ZZEF1: variants seen among roughly 807,000 people sequenced by gnomAD.
ZZEF1 encodes zinc finger ZZ-type and EF-hand domain containing 1, also known as zinc finger ZZ-type and EF-hand domain-containing protein 1.
In ZZEF1, 157 loss-of-function variants were observed where a neutral mutation model predicts 342.8. The observed-to-expected ratio is 0.46, with a 90% confidence interval of 0.40 to 0.52. The LOEUF is 0.52. Ranked by LOEUF, ZZEF1 falls within the 20% of genes least tolerant of loss-of-function variation. ZZEF1 has a pLI of 0.00. For synonymous variants in ZZEF1, 1,505 were observed against 1,429.1 expected (o/e 1.05, Z -1.20); for missense variants, 3,480 against 3,725.6 (o/e 0.93, Z 1.72).
rs750379607 is a variant in ZZEF1 at position 4,014,160 on chromosome 17, G to A, written c.8343C>T (p.Ser2781=). ...AGCCCCACTCGGTGTTGCTCATGTCGGAGGTGAAGCGGTAATACAGAGTGT... is the reference window on the plus strand; with the variant it reads ...AGCCCCACTCGGTGTTGCTCATGTCAGAGGTGAAGCGGTAATACAGAGTGT... The part of the protein sequence containing the change: ...PGDTLYYRFT[S]DMSNTEWGYR... Residue 2781 remains serine, a synonymous_variant, in exon 51 of 55, where the codon TCC becomes TCT. Coordinates refer to ENST00000381638, the MANE Select transcript of ZZEF1 (RefSeq NM_015113.4). This position sits in a 1 kb window ranked among gnomAD's most constrained non-coding sequence, Gnocchi z 4.4. 1.5e-5 allele frequency: 25 copies of A among 1,614,164 alleles called. No individual in the cohort carries two copies. The highest frequency in any genetic ancestry group is 3.3e-4 in the Middle Eastern group (2 of 6,062).
chr17:4,024,185 G>GTTTTTTTTTTTTT (rs1491483468), intron 43 of ZZEF1, among the ~76,000 whole-genome samples: 1 of 83,974 alleles, frequency 1.2e-5, no homozygotes, highest in African/African-American at 7.1e-5. Context: ...ATATTGCCCA[G>GTTTTTTTTTTTTT]GTTTTTTTTT....
At chr17:4,117,337 T>C (rs1185554155) in intron 2 of ZZEF1, among the ~76,000 whole-genome samples, 171 bp from the exon 3 acceptor site, 1 of 152,210 alleles carries the variant, frequency 6.6e-6, no homozygotes, top group Non-Finnish European at 1.5e-5. Flanking sequence ...AATGAACCAG[T>C]AGCATTCTGA....
intron 2 of ZZEF1, among the ~76,000 whole-genome samples, chr17:4,120,395 G>A (rs1438255573): frequency 6.6e-6 from 1 of 151,902 alleles, no homozygotes; most frequent in Non-Finnish European, 1.5e-5. Flanking sequence ...ACCCCTTCTG[G>A]TATCAAAATC....
chr17:4,013,303 G>C, intron 52 of ZZEF1, 146 bp downstream of exon 52: 1 of 769,694 alleles, frequency 1.3e-6, no homozygotes, highest in Non-Finnish European at 1.9e-6. Context: ...AAGAACGCTA[G>C]CATAAAGCAA....
At chr17:4,068,119 T>C (rs1297759800) in intron 26 of ZZEF1, among the ~76,000 whole-genome samples, 3 of 152,176 alleles carry the variant, frequency 2.0e-5, no homozygotes, top group African/African-American at 4.8e-5. Flanking sequence ...GATACACATA[T>C]ATATATACAA....
chr17:4,128,338 A>T (rs901165189), intron 1 of ZZEF1, among the ~76,000 whole-genome samples: 1 of 110,810 alleles, frequency 9.0e-6, no homozygotes, highest in African/African-American at 3.7e-5. Flanking sequence ...ACAGAGCCAG[A>T]CTGTCTTAAA....
Position 4,016,269 on chromosome 17 carries a change from A to T in ZZEF1, c.8145+54T>A. 1.3e-6 allele frequency: 2 copies of T among 1,569,920 alleles called. No individual in the cohort carries two copies. Among genetic ancestry groups the T allele is most frequent in the Non-Finnish European group, 1.7e-6 (2 of 1,162,940 alleles). On this transcript the variant is annotated intron_variant, in intron 49 of 54. Transcript: ENST00000381638. This position sits in a 1 kb window ranked among gnomAD's most constrained non-coding sequence, Gnocchi z 4.4. ...GGAGGGGCTGAGCACGGAGGGGCTG[A>T]CGAGGTCTCTGCGGCTCAGTCGCTC... is the stretch of plus-strand genomic sequence containing the variant.
rs536674360 is a variant in ZZEF1 at position 4,038,516 on chromosome 17, A to C, written c.6306+3913T>G. ...AACATAATGTTGAGCAGAAGAAGCCAGACACAGGCCGGGCGCAGCGGCTCA... is the reference window on the plus strand; with the variant it reads ...AACATAATGTTGAGCAGAAGAAGCCCGACACAGGCCGGGCGCAGCGGCTCA... On this transcript the variant is annotated intron_variant, in intron 39 of 54. Coordinates refer to ENST00000381638, the MANE Select transcript of ZZEF1 (RefSeq NM_015113.4). 8.5e-5 allele frequency among the ~76,000 whole-genome samples: 13 copies of C among 152,378 alleles called. No individual in the cohort carries two copies. The South Asian group carries it at 2.7e-3, about 32-fold the overall frequency.
Position 4,042,349 on chromosome 17 carries a change from A to C in ZZEF1, c.6306+80T>G, listed in dbSNP as rs1597801684. 12 of 1,436,890 alleles carry C rather than the reference A, an allele frequency of 8.4e-6. No individual in the cohort carries two copies. In the East Asian group the frequency reaches 2.7e-4, roughly 33 times the overall value. 89.0% of individuals were successfully genotyped at this position (1,436,890 alleles called of 1,614,324 possible). On this transcript the variant is annotated intron_variant, in intron 39 of 54. Coordinates refer to ENST00000381638, the MANE Select transcript of ZZEF1 (RefSeq NM_015113.4). ...TAAGGCTACAGAGATGATTGTCATC[A>C]TTTGTTTCAGTATGTGGCTTTCCAA...
intron 1 of ZZEF1, 52 bp downstream of exon 1, chr17:4,142,490 C>A: frequency 6.4e-7 from 1 of 1,568,484 alleles, no homozygotes; most frequent in South Asian, 1.1e-5. Flanking sequence ...TCCTTCAGTC[C>A]CCTGGGGGCG....
intron 26 of ZZEF1, among the ~76,000 whole-genome samples, chr17:4,069,417 T>A (rs1387699351): frequency 2.6e-5 from 4 of 152,192 alleles, no homozygotes; most frequent in African/African-American, 9.7e-5. Context: ...GAGCAGCTTT[T>A]TAAAGGAGAT....
Position 4,021,177 on chromosome 17 carries a change from C to T in ZZEF1, c.7356G>A (p.Lys2452=). The change falls in exon 45 of 55, where the codon AAG becomes AAA. Residue 2452 remains lysine (K), a synonymous_variant. Transcript: ENST00000381638. ...VSSPGDPEQK[K]LDPLEGLDEP... ...CATCCAGGCCCTCAAGGGGGTCCAGCTTTTTCTGCTCTGGGTCGCCAGGGC... is the reference window on the plus strand; with the variant it reads ...CATCCAGGCCCTCAAGGGGGTCCAGTTTTTTCTGCTCTGGGTCGCCAGGGC... The T allele has an allele frequency of 1.2e-6, 2 of 1,614,134 alleles. No homozygotes were observed. Among genetic ancestry groups the T allele is most frequent in the South Asian group, 1.1e-5 (1 of 91,060 alleles).
intron 38 of ZZEF1, among the ~76,000 whole-genome samples, chr17:4,043,436 G>A (rs542316573): frequency 5.3e-5 from 8 of 152,166 alleles, no homozygotes; most frequent in Non-Finnish European, 1.2e-4. Context: ...AGATAGAGAG[G>A]GCAGAAGGCC....
At chr17:4,036,394 C>A (rs1393604204) in intron 39 of ZZEF1, among the ~76,000 whole-genome samples, 1 of 152,164 alleles carries the variant, frequency 6.6e-6, no homozygotes, top group Non-Finnish European at 1.5e-5. Context: ...TCAAAAATGT[C>A]TCAAGGCACT....
chr17:4,142,391 A>T, intron 1 of ZZEF1, 151 bp downstream of exon 1: 1 of 827,280 alleles, frequency 1.2e-6, no homozygotes, highest in Non-Finnish European at 1.8e-6. Flanking sequence ...AACATAGGTT[A>T]AAGAGAAACG....
At chr17:4,122,290 A>T (rs936326753) in intron 2 of ZZEF1, among the ~76,000 whole-genome samples, 2 of 152,234 alleles carry the variant, frequency 1.3e-5, no homozygotes, top group African/African-American at 2.4e-5. Context: ...CTCACTAGAA[A>T]AAACAAATGT....
intron 53 of ZZEF1, 47 bp from the exon 54 acceptor site, chr17:4,009,001 G>A (rs777366770): frequency 6.5e-7 from 1 of 1,532,742 alleles, no homozygotes; most frequent in Non-Finnish European, 8.7e-7. Context: ...CAGATGCGCA[G>A]TGCAGCTCTC....
At chr17:4,009,818 T>C in intron 52 of ZZEF1, 61 bp from the exon 53 acceptor site, 1 of 1,569,810 alleles carries the variant, frequency 6.4e-7, no homozygotes, top group Non-Finnish European at 8.7e-7. Flanking sequence ...TCACATGGCT[T>C]ACAGCTGGCA....
In ZZEF1 at chr17:4,032,266, G is replaced by A. The variant is rs568895057; in HGVS notation, c.6760-8C>T. 16 of 1,606,328 alleles carry A rather than the reference G, an allele frequency of 1.0e-5. No homozygotes were observed. The highest frequency in any genetic ancestry group is 4.5e-5 in the East Asian group (2 of 44,776). The stretch of plus-strand genomic sequence containing the variant: ...GGTTCCCACACAGAGGACCTAGAAC[G>A]TGGTAGACAGAGACAGAAAGGCAAC... On this transcript the variant is annotated splice_polypyrimidine_tract_variant and splice_region_variant and intron_variant, in intron 41 of 54. Transcript: ENST00000381638.
Sources: gnomAD v4.1 joint callset for allele counts (sites outside exome capture counted in the v4.1 genomes callset) on GRCh38, gnomAD v4.1.1 for gene constraint, Gnocchi (gnomAD v3.1) non-coding constraint, MANE v1.5 for transcripts, NCBI Gene and HGNC (gene_info 2026-07-23, HGNC 2026-07-21) for gene names.